Variants in ROBO2 observed in about 807,000 individuals in gnomAD.
ROBO2 encodes the protein roundabout homolog 2.
A neutral mutation model predicts 160.8 loss-of-function variants in ROBO2; 53 were observed. That is an observed-to-expected ratio of 0.33 (90% confidence interval 0.26 to 0.41). ROBO2 has a LOEUF of 0.41. Among genes scored for constraint, ROBO2 ranks in the 10% least tolerant of loss-of-function variants. ROBO2 has a pLI of 1.00. For synonymous variants in ROBO2, 664 were observed against 611.7 expected, an observed-to-expected ratio of 1.09 and a Z score of -1.26; for missense variants, 1,577 against 1,722.4, an observed-to-expected ratio of 0.92 and a Z score of 1.49.
intron 2 of ROBO2, among the ~76,000 whole-genome samples, chr3:77,301,669 A>G (rs2062669116): frequency 6.6e-6 from 1 of 152,218 alleles, no homozygotes; most frequent in Non-Finnish European, 1.5e-5. Flanking sequence ...CCACTGAAAA[A>G]TCCCTTTTTC....
intron 2 of ROBO2, among the ~76,000 whole-genome samples, chr3:76,667,703 G>A (rs566729255): frequency 0.27 from 41,537 of 151,676 alleles, 6,215 homozygotes; most frequent in East Asian, 0.51. Context: ...GCAGTGATCA[G>A]ACTTTTTGGC....
At chr3:76,565,282 G>T (rs2084442197) in intron 2 of ROBO2, among the ~76,000 whole-genome samples, 1 of 151,892 alleles carries the variant, frequency 6.6e-6, no homozygotes, top group Admixed American at 6.6e-5. Context: ...TTTATTTATT[G>T]CTTTTCTATT....
At chr3:77,052,738 T>C (rs74591308) in intron 1 of ROBO2, among the ~76,000 whole-genome samples, 9,658 of 152,298 alleles carry the variant, frequency 0.063, 338 homozygotes, top group Middle Eastern at 0.13. Flanking sequence ...GCAGTGTTTA[T>C]GATGACATCA....
intron 2 of ROBO2, among the ~76,000 whole-genome samples, chr3:76,217,101 T>G (rs994171120): frequency 6.6e-6 from 1 of 152,184 alleles, no homozygotes; most frequent in African/African-American, 2.4e-5. Context: ...AAAGGTGTTC[T>G]TTGAAACCAA....
chr3:76,801,149 A>G (rs2064166371), intron 2 of ROBO2, among the ~76,000 whole-genome samples: 1 of 152,218 alleles, frequency 6.6e-6, no homozygotes, highest in Non-Finnish European at 1.5e-5. Flanking sequence ...TAAACCAGGC[A>G]CAGAAAGACA....
chr3:76,760,661 C>T (rs562890447), intron 2 of ROBO2, among the ~76,000 whole-genome samples: 90 of 151,506 alleles, frequency 5.9e-4, no homozygotes, highest in African/African-American at 2.0e-3. Context: ...TCTACGCATA[C>T]GTTGCAGGGG....
intron 2 of ROBO2, among the ~76,000 whole-genome samples, chr3:76,747,271 G>A (rs1234729743): frequency 1.3e-5 from 2 of 152,026 alleles, no homozygotes; most frequent in Admixed American, 1.3e-4. Flanking sequence ...AGCAGTGTAC[G>A]CAAAATTTCA....
chr3:76,042,498 T>C (rs2067303554), intron 2 of ROBO2, among the ~76,000 whole-genome samples: 2 of 152,086 alleles, frequency 1.3e-5, no homozygotes, highest in Admixed American at 1.3e-4. Flanking sequence ...TGTTTTTTAT[T>C]TGACTTCCAT....
chr3:77,324,889 A>G (rs2065225062), intron 2 of ROBO2, among the ~76,000 whole-genome samples: 1 of 152,140 alleles, frequency 6.6e-6, no homozygotes, highest in African/African-American at 2.4e-5. Flanking sequence ...ACAGAAATAG[A>G]AAAACTCTAA....
intron 2 of ROBO2, among the ~76,000 whole-genome samples, chr3:77,002,471 A>T (rs2061381773): frequency 1.3e-5 from 2 of 151,990 alleles, no homozygotes; most frequent in South Asian, 4.1e-4. Context: ...ATTTGATATT[A>T]TAAAATTAAT....
intron 2 of ROBO2, among the ~76,000 whole-genome samples, chr3:77,105,110 T>A (rs2072609854): frequency 6.6e-6 from 1 of 152,202 alleles, no homozygotes; most frequent in Admixed American, 6.5e-5. Flanking sequence ...ATACTGAGGT[T>A]TTTTCTTTCA....
At chr3:76,387,287 C>T (rs941226878) in intron 2 of ROBO2, among the ~76,000 whole-genome samples, 7 of 152,130 alleles carry the variant, frequency 4.6e-5, no homozygotes, top group Admixed American at 4.6e-4. Context: ...GGAGCACAAA[C>T]ATTCAAATCA....
intron 2 of ROBO2, among the ~76,000 whole-genome samples, chr3:75,946,106 C>A (rs965936322): frequency 6.6e-6 from 1 of 152,060 alleles, no homozygotes. Flanking sequence ...TGATCGTATG[C>A]TGCTTTACTT....
chr3:76,820,759 G>A (rs2066055441), intron 2 of ROBO2, among the ~76,000 whole-genome samples: 1 of 151,970 alleles, frequency 6.6e-6, no homozygotes, highest in South Asian at 2.1e-4. Flanking sequence ...ACAATATGTA[G>A]TAATGTATAG....
intron 2 of ROBO2, among the ~76,000 whole-genome samples, chr3:77,196,740 G>A (rs1361072536): frequency 6.6e-6 from 1 of 151,798 alleles, no homozygotes; most frequent in East Asian, 1.9e-4. Flanking sequence ...TTAAGTCATA[G>A]GTGGAGTTGC....
chr3:76,153,157 A>C (rs2072273159), intron 2 of ROBO2, among the ~76,000 whole-genome samples: 1 of 152,178 alleles, frequency 6.6e-6, no homozygotes, highest in African/African-American at 2.4e-5. Flanking sequence ...AAGTAAGGGA[A>C]AGAGATAATG....
chr3:76,842,820 A>C (rs919490115), intron 2 of ROBO2, among the ~76,000 whole-genome samples: 4 of 152,154 alleles, frequency 2.6e-5, no homozygotes, highest in Admixed American at 6.6e-5. Flanking sequence ...AGGACTTTCC[A>C]TACATTATGG....
At chr3:76,372,452 C>A (rs1314351500) in intron 2 of ROBO2, among the ~76,000 whole-genome samples, 1 of 151,830 alleles carries the variant, frequency 6.6e-6, no homozygotes, top group Non-Finnish European at 1.5e-5. Flanking sequence ...GAGGGCTTAA[C>A]CTTTTGTTTG....
At chr3:76,431,907 G>A (rs1414354043) in intron 2 of ROBO2, among the ~76,000 whole-genome samples, 1 of 152,000 alleles carries the variant, frequency 6.6e-6, no homozygotes. Flanking sequence ...GACATTTTGG[G>A]ACACTGAAAG....
Sources: gnomAD v4.1 joint callset for allele counts (sites outside exome capture counted in the v4.1 genomes callset) on GRCh38, gnomAD v4.1.1 for gene constraint, MANE v1.5 for transcripts, NCBI Gene and HGNC (gene_info 2026-07-23, HGNC 2026-07-21) for gene names.